Variants in FADS3 observed in about 807,000 individuals in gnomAD.
FADS3 encodes cytochrome b5-related protein.
FADS3 carries 30 observed loss-of-function variants against 60.4 expected under a neutral mutation model. The ratio of observed to expected loss-of-function variants is 0.50; its 90% CI spans 0.37 to 0.67. The LOEUF (loss-of-function observed/expected upper bound fraction) is 0.67. FADS3 is among the 30% of genes least tolerant of loss of function. FADS3 has a pLI of 0.00. For missense variants in FADS3, 432 were observed against 598.3 expected (o/e 0.72, Z 2.90); for synonymous variants, 234 against 249.3 (o/e 0.94, Z 0.58).
At position 61,876,318 on chromosome 11, in the gene FADS3, C is replaced by T; in HGVS notation, c.1080+41G>A. 1 of 1,598,788 alleles carries T rather than the reference C, an allele frequency of 6.3e-7. No homozygotes were observed. The highest frequency in any genetic ancestry group is 8.6e-7 in the Non-Finnish European group (1 of 1,169,342). On this transcript the variant is annotated intron_variant, in intron 9 of 11. Coordinates refer to ENST00000278829, the MANE Select transcript of FADS3 (RefSeq NM_021727.5). The surrounding 1 kb of genome is among the most constrained non-coding windows in gnomAD (Gnocchi z 5.7). ...TTGCCATCTGGCTCCTAGCTGGGACCCCCCACCCCACCCAGGATGGGCCCC... is the reference window on the plus strand; with the variant it reads ...TTGCCATCTGGCTCCTAGCTGGGACTCCCCACCCCACCCAGGATGGGCCCC...
intron 1 of FADS3, among the ~76,000 whole-genome samples, chr11:61,889,995 C>A (rs1256739771): frequency 6.6e-6 from 1 of 152,226 alleles, no homozygotes; most frequent in African/African-American, 2.4e-5. Context: ...GGCACACACA[C>A]CACACTCACC....
At position 61,873,867 on chromosome 11, in the gene FADS3, TG is replaced by T. The variant is rs1937769300; in HGVS notation, c.1287-3del. 3.1e-6 allele frequency: 4 copies of T among 1,300,690 alleles called. No homozygotes were observed. The highest frequency in any genetic ancestry group is 3.1e-6 in the Non-Finnish European group (3 of 981,348). 80.6% of individuals were successfully genotyped at this position (1,300,690 alleles called of 1,614,324 possible). On this transcript the variant is annotated splice_region_variant and splice_polypyrimidine_tract_variant and intron_variant, in intron 11 of 11. Coordinates refer to ENST00000278829, the MANE Select transcript of FADS3 (RefSeq NM_021727.5). ...ATGTCACCAGACTTCTTCAGGGACC[TG>T]GGAGGTGGGGGTGGCAGTGGGGGTG...
At chr11:61,888,618 T>C (rs79644070) in intron 1 of FADS3, among the ~76,000 whole-genome samples, 1,790 of 152,266 alleles carry the variant, frequency 0.012, 32 homozygotes, top group African/African-American at 0.04. Flanking sequence ...AGGAAAGGGG[T>C]AGCCGTGCAG....
At chr11:61,879,907 C>T (rs1938063870) in intron 2 of FADS3, 134 bp downstream of exon 2, 2 of 676,528 alleles carry the variant, frequency 3.0e-6, no homozygotes, top group Non-Finnish European at 4.9e-6. Flanking sequence ...GAGGGGAGGG[C>T]AGGCTCAGCC....
At chr11:61,883,911 C>T (rs532837275) in intron 1 of FADS3, among the ~76,000 whole-genome samples, 12 of 152,384 alleles carry the variant, frequency 7.9e-5, no homozygotes, top group African/African-American at 2.4e-4. Context: ...ATTGACAGGG[C>T]TCCAGCTGGG....
chr11:61,879,817 G>A (rs1938059620), intron 2 of FADS3, among the ~76,000 whole-genome samples: 1 of 152,236 alleles, frequency 6.6e-6, no homozygotes, highest in Non-Finnish European at 1.5e-5. Flanking sequence ...ATCCAAACGG[G>A]TGCCTGGCTA....
chr11:61,875,885 T>G lies in FADS3; in HGVS notation c.1252A>C (p.Lys418Gln). Residue 418 changes from lysine to glutamine, a missense_variant, in exon 11 of 12, where the codon AAG (lysine) becomes CAG (glutamine). Transcript: ENST00000278829. ...TCCACCAGCGCGGTGAGGAAGGGCT[T>G]CACTTCGTAGCTGAGGCCGTGCTTG... Reference protein sequence around the residue: ...CAKHGLSYEVKPFLTALVDIV... With the variant: ...CAKHGLSYEVQPFLTALVDIV... The G allele has an allele frequency of 6.2e-7, 1 of 1,613,746 alleles. No individual in the cohort carries two copies. The highest frequency in any genetic ancestry group is 8.5e-7 in the Non-Finnish European group (1 of 1,179,990).
At chr11:61,888,817 G>T (rs148115327) in intron 1 of FADS3, among the ~76,000 whole-genome samples, 1 of 152,200 alleles carries the variant, frequency 6.6e-6, no homozygotes, top group Admixed American at 6.5e-5. Context: ...GGGCACAGAG[G>T]AGTGACATGC....
In FADS3 at chr11:61,873,733, G is replaced by A; in HGVS notation, c.*81C>T. ...GGGCACCCCCAGGCTGGCCAGTGGA[G>A]GGGTGAGGGTATCGATCCCGCCGGG... On this transcript the variant is annotated 3_prime_UTR_variant, in exon 12 of 12. Transcript: ENST00000278829. The A allele has an allele frequency of 1.0e-6, 1 of 957,432 alleles. No individual in the cohort carries two copies. The highest frequency in any genetic ancestry group is 2.6e-5 in the East Asian group (1 of 38,908). The allele number at this position is 957,432 out of a possible 1,614,324, so 59.3% of individuals were successfully genotyped here. A position where few individuals can be genotyped will look rare whatever the true frequency, so the allele number is the denominator to read the frequency against.
chr11:61,880,352 C>A, intron 1 of FADS3: 1 of 479,236 alleles, frequency 2.1e-6, no homozygotes, highest in Non-Finnish European at 3.7e-6. Flanking sequence ...GCTTTTCACC[C>A]ATTGCCTGCT....
chr11:61,891,067 G>T, intron 1 of FADS3, 102 bp downstream of exon 1: 1 of 1,019,366 alleles, frequency 9.8e-7, no homozygotes, highest in East Asian at 2.6e-5. Flanking sequence ...TCAGCGAGGG[G>T]AGGGAGGATG....
intron 1 of FADS3, among the ~76,000 whole-genome samples, chr11:61,889,842 A>T (rs932552325): frequency 6.6e-6 from 1 of 152,210 alleles, no homozygotes; most frequent in Non-Finnish European, 1.5e-5. Flanking sequence ...TTTTTAAACA[A>T]ATAATAATAA....
Position 61,876,693 on chromosome 11 carries a change from A to G in FADS3, c.983+173T>C. The G allele has an allele frequency of 2.8e-6, 2 of 706,610 alleles. No individual in the cohort carries two copies. The highest frequency in any genetic ancestry group is 2.7e-5 in the East Asian group (1 of 36,862). The allele number at this position is 706,610 out of a possible 1,614,324, so 43.8% of individuals were successfully genotyped here. ...ACTTACAAGCCAGGCCACGCTCCCT[A>G]AACCCACCGACCCTGGGCTCCTGCC... On this transcript the variant is annotated intron_variant, in intron 8 of 11. Coordinates refer to ENST00000278829, the MANE Select transcript of FADS3 (RefSeq NM_021727.5). The surrounding 1 kb of genome is among the most constrained non-coding windows in gnomAD (Gnocchi z 5.7).
In FADS3 at chr11:61,876,020, CAG is replaced by C. The variant is rs758442560; in HGVS notation, c.1161-46_1161-45del. On this transcript the variant is annotated intron_variant, in intron 10 of 11. Transcript: ENST00000278829. The surrounding 1 kb of genome is among the most constrained non-coding windows in gnomAD (Gnocchi z 5.7). ...TGCTGGCACCTGAAGTGGGAGATTC[CAG>C]AGAGAGGCCCCACCCACGGGTCCCC... The C allele has an allele frequency of 5.0e-6, 8 of 1,612,290 alleles. No homozygotes were observed. The highest frequency in any genetic ancestry group is 4.5e-5 in the East Asian group (2 of 44,868).
At chr11:61,888,048 T>C (rs1484232859) in intron 1 of FADS3, among the ~76,000 whole-genome samples, 1 of 152,238 alleles carries the variant, frequency 6.6e-6, no homozygotes, top group Non-Finnish European at 1.5e-5. Flanking sequence ...ATGGCCCTTA[T>C]ATACTTATGG....
rs770654159 is a variant in FADS3 at position 61,876,405 on chromosome 11, G to A, written c.1034C>T (p.Pro345Leu). 6 of 1,613,458 alleles carry A rather than the reference G, an allele frequency of 3.7e-6. No individual in the cohort carries two copies. Among genetic ancestry groups the A allele is most frequent in the Non-Finnish European group, 5.1e-6 (6 of 1,180,016 alleles). Residue 345 changes from proline (P) to leucine (L), a missense_variant, in exon 9 of 12, where the codon CCC becomes CTC. Physicochemically the swap from Pro to Leu is moderately conservative, Grantham distance 98. This residue lies in a region of FADS3 where 48 missense variants were observed against 101.3 expected (regional missense o/e 0.47). Coordinates refer to ENST00000278829, the MANE Select transcript of FADS3 (RefSeq NM_021727.5). The surrounding 1 kb of genome is among the most constrained non-coding windows in gnomAD (Gnocchi z 5.7). ...FVWITQMNHI[P>L]KEIGHEKHRD... ...GTGCTTCTCGTGGCCGATCTCCTTG[G>A]GGATGTGGTTCATCTGTGTGATCCA...
chr11:61,878,811 C>T lies in FADS3; in HGVS notation c.559G>A (p.Ala187Thr). The T allele has an allele frequency of 6.2e-7, 1 of 1,614,194 alleles. No homozygotes were observed. Among genetic ancestry groups the T allele is most frequent in the Non-Finnish European group, 8.5e-7 (1 of 1,180,030 alleles). Residue 187 changes from alanine (A) to threonine (T), a missense_variant, in exon 4 of 12, where the codon GCC becomes ACC. Ala to Thr is a moderately conservative substitution (Grantham distance 58, BLOSUM62 0). This residue lies in a region of FADS3 where 116 missense variants were observed against 208.9 expected (regional missense o/e 0.56). Transcript: ENST00000278829. ...CACCAGGACTTCTTGAAGATGGAGG[C>T]ATGGCCCAGGTCATGCTGCAGACAC... ...SWCLQHDLGHASIFKKSWWNH... is the reference protein window; with the variant it reads ...SWCLQHDLGHTSIFKKSWWNH...
chr11:61,875,704 G>A (rs1408147111), intron 11 of FADS3, 147 bp downstream of exon 11: 7 of 962,086 alleles, frequency 7.3e-6, no homozygotes, highest in African/African-American at 3.3e-5. Context: ...CACTGTGTGC[G>A]TGAAGGCTGG....
intron 1 of FADS3, among the ~76,000 whole-genome samples, chr11:61,882,930 A>G (rs920728901): frequency 6.6e-6 from 1 of 151,976 alleles, no homozygotes; most frequent in Admixed American, 6.5e-5. Flanking sequence ...GGGTTTCACC[A>G]TATTGCCCAG....
Sources: gnomAD v4.1 joint callset for allele counts (sites outside exome capture counted in the v4.1 genomes callset) on GRCh38, gnomAD v4.1.1 for gene constraint, gnomAD v4.1.1 regional missense constraint, Gnocchi (gnomAD v3.1) non-coding constraint, MANE v1.5 for transcripts, NCBI Gene and HGNC (gene_info 2026-07-23, HGNC 2026-07-21) for gene names.